The following TENM4 variants were observed in gnomAD, a reference collection of about 807,000 sequenced individuals.
TENM4 encodes the protein teneurin transmembrane protein 4.
A neutral mutation model predicts 243.3 loss-of-function variants in TENM4; 82 were observed. The ratio of observed to expected loss-of-function variants is 0.34; its 90% CI spans 0.28 to 0.40. The LOEUF (loss-of-function observed/expected upper bound fraction) is 0.40. Among genes scored for constraint, TENM4 ranks in the 10% least tolerant of loss-of-function variants. TENM4 has a pLI of 1.00. For missense variants in TENM4, 3,138 were observed against 3,673.3 expected (o/e 0.85, Z 3.77); for synonymous variants, 1,412 against 1,456.3 (o/e 0.97, Z 0.69).
At chr11:78,946,467 G>A (rs1857003897) in intron 6 of TENM4, among the ~76,000 whole-genome samples, 1 of 152,190 alleles carries the variant, frequency 6.6e-6, no homozygotes, top group Admixed American at 6.5e-5. Flanking sequence ...GAGCTCTGAT[G>A]GAGATAACTA....
At chr11:78,977,045 T>C (rs1247821349) in intron 6 of TENM4, among the ~76,000 whole-genome samples, 2 of 152,206 alleles carry the variant, frequency 1.3e-5, no homozygotes, top group Non-Finnish European at 2.9e-5. Flanking sequence ...AATAATGATA[T>C]GGACAAGGGC....
Position 78,960,984 on chromosome 11 carries a change from G to C in TENM4, c.494-57461C>G, listed in dbSNP as rs549368241. 3.3e-5 allele frequency among the ~76,000 whole-genome samples: 5 copies of C among 152,338 alleles called. No individual in the cohort carries two copies. The East Asian group carries it at 9.7e-4, about 29-fold the overall frequency. On this transcript the variant is annotated intron_variant, in intron 6 of 33. Coordinates refer to ENST00000278550, the MANE Select transcript of TENM4 (RefSeq NM_001098816.3). ...TCATCATGAGGTGGGCACTACAATG[G>C]CCACTTGACCCTTGAAGAAATAAGC... is the stretch of plus-strand genomic sequence containing the variant.
At chr11:78,772,046 C>T (rs1162323967) in intron 17 of TENM4, among the ~76,000 whole-genome samples, 1 of 152,092 alleles carries the variant, frequency 6.6e-6, no homozygotes, top group Admixed American at 6.5e-5. Flanking sequence ...CTAAAGGAGA[C>T]GTACAAAATA....
rs1361356842 is a variant in TENM4 at position 78,657,747 on chromosome 11, C to G, written c.*311G>C. 2.1e-6 allele frequency: 1 copy of G among 470,282 alleles called. No individual in the cohort carries two copies. Among genetic ancestry groups the G allele is most frequent in the East Asian group, 4.4e-5 (1 of 22,680 alleles). 29.1% of individuals were successfully genotyped at this position (470,282 alleles called of 1,614,324 possible). ...CGAGGACACACCCCAGGAGATGCAT[C>G]TCAGAGAGGAGATACATACCCCAAA... is the stretch of plus-strand genomic sequence containing the variant. On this transcript the variant is annotated 3_prime_UTR_variant, in exon 34 of 34. Transcript: ENST00000278550.
At chr11:78,711,100 A>G (rs2135800329) in intron 26 of TENM4, among the ~76,000 whole-genome samples, 1 of 152,288 alleles carries the variant, frequency 6.6e-6, no homozygotes, top group East Asian at 1.9e-4. Flanking sequence ...GTGCAAGCCT[A>G]GTGTTCTTTC....
In TENM4 at chr11:79,373,594, G is replaced by A. The variant is rs78340704; in HGVS notation, c.-321+66915C>T. On this transcript the variant is annotated intron_variant, in intron 1 of 33. Transcript: ENST00000278550. ...GTGAGAAGAGAATCAGCAAATAAAC[G>A]CAGTGAAGGAAAGAAGAAGGAGGTC... is the stretch of plus-strand genomic sequence containing the variant. Among the ~76,000 whole-genome samples the A allele has an allele frequency of 2.2e-3, 340 of 152,244 alleles. 16 individuals are homozygous for A. In the East Asian group the frequency reaches 0.062, roughly 28 times the overall value.
chr11:79,308,343 CAGTT>C (rs1156971902), intron 1 of TENM4, among the ~76,000 whole-genome samples: 4 of 152,142 alleles, frequency 2.6e-5, no homozygotes, highest in Non-Finnish European at 5.9e-5. Context: ...ATTTGTGAGA[CAGTT>C]AGATTTTTCT....
Position 78,701,704 on chromosome 11 carries a change from C to A in TENM4, c.4909G>T (p.Gly1637Trp). ...NMVNVRRDSTGMPLWLVVPDG... is the reference protein window; with the variant it reads ...NMVNVRRDSTWMPLWLVVPDG... ...GGGACCACCAGCCAGAGGGGCATCC[C>A]AGTAGAGTCTCGGCGGACATTTACC... Residue 1637 changes from glycine to tryptophan, a missense_variant, in exon 28 of 34, where the codon GGG becomes TGG. By Grantham distance (184) the Gly-to-Trp change is radical (BLOSUM62 -2). Coordinates refer to ENST00000278550, the MANE Select transcript of TENM4 (RefSeq NM_001098816.3). 6.2e-7 allele frequency: 1 copy of A among 1,613,972 alleles called. No individual in the cohort carries two copies. The highest frequency in any genetic ancestry group is 8.5e-7 in the Non-Finnish European group (1 of 1,179,888).
At chr11:78,965,762 A>G (rs1244064355) in intron 6 of TENM4, among the ~76,000 whole-genome samples, 2 of 152,170 alleles carry the variant, frequency 1.3e-5, no homozygotes, top group African/African-American at 4.8e-5. Context: ...GCTAACATAC[A>G]GGAGCCCGTA....
intron 14 of TENM4, among the ~76,000 whole-genome samples, chr11:78,806,669 C>T (rs1331687578): frequency 1.3e-5 from 2 of 152,174 alleles, no homozygotes; most frequent in Non-Finnish European, 2.9e-5. Flanking sequence ...GAGAGGAATT[C>T]TTTTCCTGAT....
In TENM4 at chr11:79,316,932, A is replaced by T. The variant is rs544996836; in HGVS notation, c.-320-19389T>A. Among the ~76,000 whole-genome samples the T allele has an allele frequency of 9.8e-5, 15 of 152,366 alleles. No individual in the cohort carries two copies. In the East Asian group the frequency reaches 2.9e-3, roughly 29 times the overall value. ...AGGGGTGACAGAACAAAATGTCAAG[A>T]GTAGAAGTGACTCTGTGATTTTTCT... On this transcript the variant is annotated intron_variant, in intron 1 of 33. Coordinates refer to ENST00000278550, the MANE Select transcript of TENM4 (RefSeq NM_001098816.3).
rs1026870668 is a variant in TENM4 at position 78,657,245 on chromosome 11, T to G, written c.*813A>C. 7.5e-6 allele frequency: 3 copies of G among 398,474 alleles called. No individual in the cohort carries two copies. The Admixed American group carries it at 1.3e-4, about 18-fold the overall frequency. 24.7% of individuals were successfully genotyped at this position (398,474 alleles called of 1,614,324 possible). A position where few individuals can be genotyped will look rare whatever the true frequency, so the allele number is the denominator to read the frequency against. On this transcript the variant is annotated 3_prime_UTR_variant, in exon 34 of 34. Transcript: ENST00000278550. ...TCACAGGCATCCTGGGTGCTTTCCC[T>G]CCCGGGAGGATGGGACTCTGAGCCC... is the stretch of plus-strand genomic sequence containing the variant.
chr11:78,686,963 ATTAC>A (rs749209290), intron 29 of TENM4, among the ~76,000 whole-genome samples: 4 of 152,198 alleles, frequency 2.6e-5, no homozygotes, highest in Non-Finnish European at 5.9e-5. Flanking sequence ...TAATTAATTA[ATTAC>A]TTAAGGAATC....
At chr11:79,146,673 A>C (rs190383190) in intron 4 of TENM4, among the ~76,000 whole-genome samples, 2 of 152,190 alleles carry the variant, frequency 1.3e-5, no homozygotes, top group East Asian at 1.9e-4. Context: ...GCCACTAACC[A>C]AGGGAGAAAG....
chr11:79,301,367 C>A (rs1354869804), intron 1 of TENM4, among the ~76,000 whole-genome samples: 2 of 152,150 alleles, frequency 1.3e-5, no homozygotes, highest in African/African-American at 2.4e-5. Flanking sequence ...TTGCGAATAT[C>A]AAGACCCTGG....
chr11:79,298,757 G>A (rs61885383), intron 1 of TENM4, among the ~76,000 whole-genome samples: 25,351 of 152,096 alleles, frequency 0.17, 2,329 homozygotes, highest in African/African-American at 0.24. Flanking sequence ...AGCAAGGCTC[G>A]GCGAGCCGTC....
chr11:79,357,774 C>A (rs1428506985), intron 1 of TENM4, among the ~76,000 whole-genome samples: 1 of 152,194 alleles, frequency 6.6e-6, no homozygotes, highest in African/African-American at 2.4e-5. Flanking sequence ...TAATTGATGA[C>A]AATTTATTTT....
chr11:79,057,937 G>C (rs939584847), intron 6 of TENM4, among the ~76,000 whole-genome samples: 3 of 152,038 alleles, frequency 2.0e-5, no homozygotes, highest in Admixed American at 2.0e-4. Context: ...CAAAACCTAG[G>C]GGCCAGCACT....
intron 28 of TENM4, among the ~76,000 whole-genome samples, chr11:78,693,127 G>T (rs1858867563): frequency 6.6e-6 from 1 of 152,166 alleles, no homozygotes; most frequent in Admixed American, 6.5e-5. Context: ...GTAAATAATA[G>T]ATATTATTGT....
Sources: gnomAD v4.1 joint callset for allele counts (sites outside exome capture counted in the v4.1 genomes callset) on GRCh38, gnomAD v4.1.1 for gene constraint, MANE v1.5 for transcripts, NCBI Gene and HGNC (gene_info 2026-07-23, HGNC 2026-07-21) for gene names.